NCOA1: variants seen among roughly 807,000 people sequenced by gnomAD.
NCOA1 encodes nuclear receptor coactivator 1, also known as Hin-2 protein.
Under a neutral mutation model 150.9 loss-of-function variants are expected in NCOA1, and 35 were observed. That is an observed-to-expected ratio of 0.23 (90% CI 0.18 to 0.31). The LOEUF is 0.31. Among genes scored for constraint, NCOA1 ranks in the 10% least tolerant of loss-of-function variants. NCOA1 has a pLI of 1.00. For missense variants in NCOA1, 1,491 were observed against 1,749.3 expected, an observed-to-expected ratio of 0.85 and a Z score of 2.63; for synonymous variants, 590 against 630.0, an observed-to-expected ratio of 0.94 and a Z score of 0.95.
At chr2:24,517,420 A>G (rs1664247460) in intron 1 of NCOA1, among the ~76,000 whole-genome samples, 1 of 151,872 alleles carries the variant, frequency 6.6e-6, no homozygotes, top group Non-Finnish European at 1.5e-5. Flanking sequence ...TACACATTGC[A>G]TTTTCTCACA....
intron 4 of NCOA1, among the ~76,000 whole-genome samples, chr2:24,652,872 C>T (rs1271855910): frequency 6.6e-6 from 1 of 151,974 alleles, no homozygotes; most frequent in Non-Finnish European, 1.5e-5. Context: ...ATTTAAGTAC[C>T]CTGACTGCGA....
intron 1 of NCOA1, among the ~76,000 whole-genome samples, chr2:24,504,371 C>T (rs1186335103): frequency 6.6e-6 from 1 of 152,154 alleles, no homozygotes; most frequent in Non-Finnish European, 1.5e-5. Context: ...ATCGATTTTT[C>T]TTATAGACTA....
intron 1 of NCOA1, among the ~76,000 whole-genome samples, chr2:24,558,658 CA>C (rs1666176390): frequency 6.6e-6 from 1 of 152,166 alleles, no homozygotes; most frequent in Non-Finnish European, 1.5e-5. Context: ...CAAACAATAT[CA>C]AAAGCGAAAC....
chr2:24,765,610 A>G (rs1013280961), intron 22 of NCOA1, among the ~76,000 whole-genome samples: 2 of 152,176 alleles, frequency 1.3e-5, no homozygotes, highest in African/African-American at 4.8e-5. Flanking sequence ...GTTACACCCA[A>G]ACAACCATGT....
chr2:24,658,515 C>T (rs1319419977), intron 4 of NCOA1, 146 bp from the exon 5 acceptor site: 1 of 596,276 alleles, frequency 1.7e-6, no homozygotes, highest in Non-Finnish European at 3.0e-6. Flanking sequence ...TTATGTAGAT[C>T]TTCATGTTTT....
At chr2:24,513,586 ATGTG>A (rs149865947) in intron 1 of NCOA1, among the ~76,000 whole-genome samples, 3 of 151,342 alleles carry the variant, frequency 2.0e-5, no homozygotes, top group East Asian at 1.9e-4. Context: ...TGTAAGGAAA[ATGTG>A]TGTGTGTGTG....
intron 9 of NCOA1, 21 bp from the exon 10 acceptor site, chr2:24,693,231 T>C (rs774798654): frequency 6.2e-7 from 1 of 1,608,856 alleles, no homozygotes; most frequent in Non-Finnish European, 8.5e-7. Context: ...TCCTTCAATT[T>C]CCCCGTCTTG....
chr2:24,550,192 C>G (rs1334106305), intron 1 of NCOA1, among the ~76,000 whole-genome samples: 1 of 152,220 alleles, frequency 6.6e-6, no homozygotes, highest in Non-Finnish European at 1.5e-5. Flanking sequence ...CTTCTGAGCA[C>G]TTCAAACCAT....
At chr2:24,764,423 A>T (rs939296475) in intron 22 of NCOA1, among the ~76,000 whole-genome samples, 7 of 152,246 alleles carry the variant, frequency 4.6e-5, no homozygotes, top group African/African-American at 1.7e-4. Context: ...TGAGATGGTC[A>T]CAAGAGCATT....
chr2:24,676,028 G>T (rs1467168515), intron 7 of NCOA1, among the ~76,000 whole-genome samples: 4 of 152,178 alleles, frequency 2.6e-5, no homozygotes, highest in African/African-American at 7.2e-5. Flanking sequence ...GCCTTTTAAA[G>T]ATTTCCAATT....
chr2:24,674,151 G>GTGTGTGTGTGTGTA lies in NCOA1; in HGVS notation c.354+689_354+690insGTGTGTGTGTGTAT, dbSNP rs141963010. Among the ~76,000 whole-genome samples, 110 of 145,210 alleles carry GTGTGTGTGTGTGTA rather than the reference G, an allele frequency of 7.6e-4. 1 individual carries two copies. Among genetic ancestry groups the GTGTGTGTGTGTGTA allele is most frequent in the South Asian group, 3.2e-3 (15 of 4,626 alleles). On this transcript the variant is annotated intron_variant, in intron 7 of 22. Coordinates refer to ENST00000348332, the MANE Select transcript of NCOA1 (RefSeq NM_003743.5). ...TGTGTGTGTGTGTGTGTGTGTGTGT[G>GTGTGTGTGTGTGTA]TATATATTTCTATCTCTAGGTCTAA...
At chr2:24,723,071 A>G (rs779281641) in intron 14 of NCOA1, among the ~76,000 whole-genome samples, 2 of 151,916 alleles carry the variant, frequency 1.3e-5, no homozygotes, top group Admixed American at 1.3e-4. Context: ...AGTGATTAAG[A>G]TATTCACGGT....
chr2:24,515,055 A>G (rs1572369629), intron 1 of NCOA1, among the ~76,000 whole-genome samples: 1 of 152,214 alleles, frequency 6.6e-6, no homozygotes, highest in African/African-American at 2.4e-5. Flanking sequence ...GGAATAAGTT[A>G]CCAAAGTTGT....
chr2:24,622,965 G>T (rs970769026), intron 3 of NCOA1, among the ~76,000 whole-genome samples: 11 of 152,180 alleles, frequency 7.2e-5, no homozygotes, highest in African/African-American at 2.4e-4. Flanking sequence ...GTATGACCAT[G>T]TGGACACATG....
chr2:24,768,054 G>C, intron 22 of NCOA1, 167 bp from the exon 23 acceptor site: 1 of 1,612,564 alleles, frequency 6.2e-7, no homozygotes, highest in Non-Finnish European at 8.5e-7. Context: ...TGAGCAAAAT[G>C]AGTGCAGCGA....
At chr2:24,618,671 C>T (rs2148402447) in intron 3 of NCOA1, among the ~76,000 whole-genome samples, 1 of 152,268 alleles carries the variant, frequency 6.6e-6, no homozygotes, top group South Asian at 2.1e-4. Flanking sequence ...TTCTGTTCTA[C>T]CTCTACAAAC....
intron 3 of NCOA1, among the ~76,000 whole-genome samples, chr2:24,584,775 C>G (rs1323296489): frequency 7.7e-6 from 1 of 130,118 alleles, no homozygotes; most frequent in Non-Finnish European, 1.7e-5. Flanking sequence ...CACACATGTT[C>G]AGTCAGAGTT....
intron 9 of NCOA1, among the ~76,000 whole-genome samples, chr2:24,692,362 C>T (rs560730214): frequency 1.4e-4 from 21 of 152,200 alleles, no homozygotes; most frequent in South Asian, 6.2e-4. Context: ...ATACACATGC[C>T]AAATCTTACT....
Position 24,769,607 on chromosome 2 carries a change from G to A in NCOA1, c.*1216G>A, listed in dbSNP as rs1665228369. On this transcript the variant is annotated 3_prime_UTR_variant, in exon 23 of 23. Transcript: ENST00000348332. ...ACTCAAAGGAAATCTTCATTTTTTA[G>A]ATTGACTTTGGGAATTTGAATTTTC... 2 of 204,894 alleles carry A rather than the reference G, an allele frequency of 9.8e-6. No individual in the cohort carries two copies. The highest frequency in any genetic ancestry group is 2.0e-5 in the Non-Finnish European group (2 of 99,924). The allele number at this position is 204,894 out of a possible 1,614,324, so 12.7% of individuals were successfully genotyped here.
Sources: gnomAD v4.1 joint callset for allele counts (sites outside exome capture counted in the v4.1 genomes callset) on GRCh38, gnomAD v4.1.1 for gene constraint, MANE v1.5 for transcripts, NCBI Gene and HGNC (gene_info 2026-07-23, HGNC 2026-07-21) for gene names.